HORMAD2: variants seen among roughly 807,000 people sequenced by gnomAD.
HORMAD2 encodes the protein HORMA domain-containing protein 2.
In HORMAD2, 45 loss-of-function variants were observed where a neutral mutation model predicts 38.8. The observed-to-expected ratio is 1.16, with a 90% CI of 0.91 to 1.49. The LOEUF (loss-of-function observed/expected upper bound fraction) is 1.49, where lower values mean the gene tolerates loss of function less well. Among genes scored for constraint, HORMAD2 ranks in the 40% most tolerant of loss-of-function variants. HORMAD2 has a pLI of 0.00. For missense variants in HORMAD2, 338 were observed against 367.0 expected, an observed-to-expected ratio of 0.92 and a Z score of 0.65; for synonymous variants, 126 against 122.8, an observed-to-expected ratio of 1.03 and a Z score of -0.17.
the HORMAD2 span, among the ~76,000 whole-genome samples, chr22:30,203,066 G>A: frequency 6.6e-6 from 1 of 152,136 alleles, no homozygotes; most frequent in Non-Finnish European, 1.5e-5. Context: ...CCCCCTGTAT[G>A]CTTGTTTGCT....
chr22:30,146,782 A>G (rs1447583030), intron 10 of HORMAD2, among the ~76,000 whole-genome samples: 1 of 152,242 alleles, frequency 6.6e-6, no homozygotes, highest in Non-Finnish European at 1.5e-5. Context: ...ACATGACTGT[A>G]TAATAGAAAA....
chr22:30,127,160 G>T (rs114389743), intron 10 of HORMAD2, among the ~76,000 whole-genome samples: 2 of 147,222 alleles, frequency 1.4e-5, no homozygotes, highest in South Asian at 4.3e-4. Context: ...TCAACCTTAC[G>T]AGTTGTTTTC....
rs945853086 is a variant in HORMAD2 at position 30,176,335 on chromosome 22, C to T, written c.*168C>T. On this transcript the variant is annotated 3_prime_UTR_variant, in exon 11 of 11. Coordinates refer to ENST00000336726, the MANE Select transcript of HORMAD2 (RefSeq NM_152510.4). ...GTGCTAAATTACTGGCCAGGTAGGA[C>T]GCGAGTCCACTTTGCCATAAGGAAA... The T allele has an allele frequency of 4.6e-5, 26 of 563,590 alleles. No homozygotes were observed. Among genetic ancestry groups the T allele is most frequent in the Non-Finnish European group, 7.5e-5 (24 of 318,098 alleles). The allele number at this position is 563,590 out of a possible 1,614,324, so 34.9% of individuals were successfully genotyped here.
chr22:30,083,774 C>A (rs936919550), intron 1 of HORMAD2, among the ~76,000 whole-genome samples: 1 of 152,086 alleles, frequency 6.6e-6, no homozygotes, highest in African/African-American at 2.4e-5. Flanking sequence ...CACCACCATG[C>A]CCAGTTTTAG....
chr22:30,093,869 G>A, intron 1 of HORMAD2, 47 bp from the exon 2 acceptor site: 3 of 897,162 alleles, frequency 3.3e-6, no homozygotes, highest in Non-Finnish European at 3.4e-6. Flanking sequence ...AAGAGAGGAA[G>A]CATTATATTT....
At chr22:30,196,113 C>G in the HORMAD2 span, among the ~76,000 whole-genome samples, 1 of 152,222 alleles carries the variant, frequency 6.6e-6, no homozygotes, top group Non-Finnish European at 1.5e-5. Flanking sequence ...CCACTTCCCT[C>G]ACGTAATCCC....
At chr22:30,138,847 AC>A (rs1430945517) in intron 10 of HORMAD2, among the ~76,000 whole-genome samples, 4 of 152,240 alleles carry the variant, frequency 2.6e-5, no homozygotes, top group East Asian at 3.9e-4. Context: ...GTATTCTACA[AC>A]CTTGGTAGGA....
chr22:30,164,588 G>A (rs1925661182), intron 10 of HORMAD2, among the ~76,000 whole-genome samples: 1 of 152,140 alleles, frequency 6.6e-6, no homozygotes, highest in South Asian at 2.1e-4. Context: ...TTGGCTAATT[G>A]CATATCTTAT....
In HORMAD2 at chr22:30,122,070, T is replaced by C. The variant is rs1034843609; in HGVS notation, c.675T>C (p.Thr225=). The C allele has an allele frequency of 1.5e-5, 25 of 1,613,780 alleles. No individual in the cohort carries two copies. Among genetic ancestry groups the C allele is most frequent in the Non-Finnish European group, 2.0e-5 (24 of 1,179,818 alleles). Residue 225 remains threonine (T), a synonymous_variant, in exon 10 of 11, where the codon ACT becomes ACC. Coordinates refer to ENST00000336726, the MANE Select transcript of HORMAD2 (RefSeq NM_152510.4). ...ACGTGCAAGTGGGATTTGTCTCCAC[T>C]GGCTTTCATAGCATGAAAGTAAAAG... ...PINVQVGFVS[T]GFHSMKVKVM...
intron 2 of HORMAD2, among the ~76,000 whole-genome samples, chr22:30,095,924 A>AT (rs1237798102): frequency 6.6e-6 from 1 of 152,156 alleles, no homozygotes; most frequent in East Asian, 1.9e-4. Context: ...ACTCCCTCTC[A>AT]TGCTGTCTTC....
intron 10 of HORMAD2, among the ~76,000 whole-genome samples, chr22:30,132,789 C>T (rs992466093): frequency 6.6e-6 from 1 of 152,016 alleles, no homozygotes; most frequent in Non-Finnish European, 1.5e-5. Context: ...TCTATAACAT[C>T]AGAGAATTAC....
At chr22:30,155,119 G>A (rs1235076369) in intron 10 of HORMAD2, among the ~76,000 whole-genome samples, 1 of 151,140 alleles carries the variant, frequency 6.6e-6, no homozygotes, top group Non-Finnish European at 1.5e-5. Context: ...GAATATCACA[G>A]AATTGGTGCT....
intron 8 of HORMAD2, among the ~76,000 whole-genome samples, chr22:30,119,814 A>G (rs1249035971): frequency 6.6e-6 from 1 of 152,158 alleles, no homozygotes; most frequent in Non-Finnish European, 1.5e-5. Flanking sequence ...TTTCCCTACT[A>G]TTAGCTCTGG....
intron 6 of HORMAD2, among the ~76,000 whole-genome samples, chr22:30,112,256 A>C (rs80175526): frequency 0.013 from 1,965 of 152,212 alleles, 45 homozygotes; most frequent in African/African-American, 0.046. Context: ...TTTAGAATTT[A>C]TTTGTAGCTT....
rs1471926905 is a variant in HORMAD2, at chr22:30,112,423, T to TA, written c.316-67dup. ...AATAGAACACAAATTGAACTCTATA[T>TA]AAAAAAGGTATTTGATGAGGAGTAA... On this transcript the variant is annotated intron_variant, in intron 6 of 10. Coordinates refer to ENST00000336726, the MANE Select transcript of HORMAD2 (RefSeq NM_152510.4). 6 of 729,624 alleles carry TA rather than the reference T, an allele frequency of 8.2e-6. No homozygotes were observed. The East Asian group carries it at 8.9e-5, about 11-fold the overall frequency. The allele number at this position is 729,624 out of a possible 1,614,324, so 45.2% of individuals were successfully genotyped here.
chr22:30,121,818 C>A (rs1922461896), intron 9 of HORMAD2, 29 bp downstream of exon 9: 2 of 1,589,504 alleles, frequency 1.3e-6, no homozygotes, highest in South Asian at 1.2e-5. Context: ...GCAAATTCCT[C>A]CTTAAGTGCT....
At chr22:30,087,931 C>G (rs1305769218) in intron 1 of HORMAD2, among the ~76,000 whole-genome samples, 2 of 151,928 alleles carry the variant, frequency 1.3e-5, no homozygotes, top group African/African-American at 4.8e-5. Flanking sequence ...ACTCTAAAGG[C>G]TCTTTCTACT....
chr22:30,189,549 G>C, the HORMAD2 span, among the ~76,000 whole-genome samples: 3 of 152,090 alleles, frequency 2.0e-5, no homozygotes, highest in Non-Finnish European at 4.4e-5. Flanking sequence ...ATTGTACATA[G>C]CCTGTGTTGG....
chr22:30,159,777 C>G (rs1264600819), intron 10 of HORMAD2, among the ~76,000 whole-genome samples: 5 of 152,020 alleles, frequency 3.3e-5, no homozygotes, highest in African/African-American at 1.2e-4. Context: ...CTACTGAAGA[C>G]CAGTTGTGAG....
Sources: gnomAD v4.1 joint callset for allele counts (sites outside exome capture counted in the v4.1 genomes callset) on GRCh38, gnomAD v4.1.1 for gene constraint, MANE v1.5 for transcripts, NCBI Gene and HGNC (gene_info 2026-07-23, HGNC 2026-07-21) for gene names.